The following ZNF544 variants were observed in gnomAD, a reference collection of about 807,000 sequenced individuals.
ZNF544 encodes zinc finger protein 544.
A neutral mutation model predicts 13.5 loss-of-function variants in ZNF544; 10 were observed. That is an observed-to-expected ratio of 0.74 (90% CI 0.46 to 1.25). The LOEUF (loss-of-function observed/expected upper bound fraction) is 1.25. Ranked by LOEUF, ZNF544 falls within the 50% of genes most tolerant of loss-of-function variation. ZNF544 has a pLI of 0.00. For synonymous variants in ZNF544, 323 were observed against 300.5 expected, an observed-to-expected ratio of 1.07 and a Z score of -0.77; for missense variants, 896 against 845.6, an observed-to-expected ratio of 1.06 and a Z score of -0.74.
At chr19:58,268,519 G>T (rs1002251818), downstream of ZNF544, among the ~76,000 whole-genome samples, 3 of 152,066 alleles carry the variant, frequency 2.0e-5, no homozygotes, top group African/African-American at 7.2e-5. Flanking sequence ...CTGCAGAAAG[G>T]GTGCTCATCA....
chr19:58,269,845 T>G (rs541178608), intron 5 of ZNF544, among the ~76,000 whole-genome samples: 1 of 151,858 alleles, frequency 6.6e-6, no homozygotes, highest in East Asian at 2.0e-4. Context: ...CACTTGAACC[T>G]GGGAGGCAGA....
intron 3 of ZNF544, among the ~76,000 whole-genome samples, chr19:58,234,612 C>T (rs1288391373): frequency 6.6e-6 from 1 of 152,204 alleles, no homozygotes; most frequent in Non-Finnish European, 1.5e-5. Context: ...GCCTGTGTAC[C>T]TGCGTGCAGC....
chr19:58,251,008 G>A (rs936027747), intron 6 of ZNF544, among the ~76,000 whole-genome samples: 8 of 152,158 alleles, frequency 5.3e-5, no homozygotes, highest in African/African-American at 1.9e-4. Flanking sequence ...GCGTGGTCCT[G>A]TATACACAGG....
chr19:58,232,483 T>TG (rs1192378919), intron 3 of ZNF544, among the ~76,000 whole-genome samples: 1 of 151,112 alleles, frequency 6.6e-6, no homozygotes. Flanking sequence ...TCTCAGTAGC[T>TG]GGGACTACAA....
chr19:58,230,532 C>T (rs952176401), intron 3 of ZNF544, 70 bp downstream of exon 3: 1 of 152,348 alleles, frequency 6.6e-6, no homozygotes, highest in Non-Finnish European at 1.5e-5. Flanking sequence ...TGGATGCCTC[C>T]AGACAAGGAA....
At chr19:58,276,049 C>T (rs2051198011) in intron 5 of ZNF544, among the ~76,000 whole-genome samples, 1 of 152,100 alleles carries the variant, frequency 6.6e-6, no homozygotes, top group African/African-American at 2.4e-5. Context: ...TGGTGGCTCT[C>T]ACCTGTGCTC....
chr19:58,236,554 T>G (rs2042431947), intron 3 of ZNF544, among the ~76,000 whole-genome samples: 1 of 151,286 alleles, frequency 6.6e-6, no homozygotes, highest in Non-Finnish European at 1.5e-5. Context: ...AAAGCCATCA[T>G]TTTGAGATAT....
intron 3 of ZNF544, among the ~76,000 whole-genome samples, chr19:58,232,266 G>A (rs947521040): frequency 6.6e-6 from 1 of 150,968 alleles, no homozygotes; most frequent in African/African-American, 2.4e-5. Context: ...ATCCATCAGT[G>A]AAAACAAATA....
chr19:58,243,059 C>T (rs1369832988), intron 3 of ZNF544, among the ~76,000 whole-genome samples: 3 of 152,076 alleles, frequency 2.0e-5, no homozygotes, highest in Non-Finnish European at 2.9e-5. Context: ...AACTCTTGGA[C>T]TCAAGCAGTC....
At chr19:58,246,953 G>A in intron 6 of ZNF544, 159 bp downstream of exon 6, 3 of 591,946 alleles carry the variant, frequency 5.1e-6, no homozygotes, top group Non-Finnish European at 5.9e-6. Context: ...TCACCAATTC[G>A]AAGTATGCAG....
At chr19:58,276,458 AATTTT>A (rs2051228039) in intron 6 of ZNF544, 1 of 1,191,030 alleles carries the variant, frequency 8.4e-7, no homozygotes, top group African/African-American at 1.6e-5. Flanking sequence ...CAAAAGTCAG[AATTTT>A]ATTTTTATTT....
rs187594067 is a variant in ZNF544 at position 58,256,475 on chromosome 19, A to G, written c.245-4376A>G. On this transcript the variant is annotated intron_variant, in intron 6 of 6. Transcript: ENST00000687789. The stretch of plus-strand genomic sequence containing the variant: ...GGAAGGGGAGAGGGACTCAAATGCA[A>G]TAAGTCTACAGAAGTAAAAACATGC... Among the ~76,000 whole-genome samples, 633 of 152,306 alleles carry G rather than the reference A, an allele frequency of 4.2e-3. 1 individual carries two copies. The highest frequency in any genetic ancestry group is 5.7e-3 in the Non-Finnish European group (391 of 68,018).
chr19:58,239,758 G>A (rs758598832), intron 3 of ZNF544, among the ~76,000 whole-genome samples: 2 of 152,114 alleles, frequency 1.3e-5, no homozygotes, highest in African/African-American at 4.8e-5. Context: ...AATTAGCCAG[G>A]TGTGGTGGCT....
At chr19:58,245,373 C>T (rs2044924127) in intron 4 of ZNF544, among the ~76,000 whole-genome samples, 1 of 151,458 alleles carries the variant, frequency 6.6e-6, no homozygotes, top group South Asian at 2.1e-4. Flanking sequence ...GCGATCTCAG[C>T]TCACTGCAAC....
At chr19:58,270,561 A>G (rs2050511719) in intron 5 of ZNF544, among the ~76,000 whole-genome samples, 1 of 152,094 alleles carries the variant, frequency 6.6e-6, no homozygotes, top group Non-Finnish European at 1.5e-5. Flanking sequence ...TGGCATCCCA[A>G]AGTGCTGGGA....
Position 58,276,879 on chromosome 19 carries a change from G to A in ZNF544, c.352-304G>A, listed in dbSNP as rs56091708. On this transcript the variant is annotated intron_variant, in intron 6 of 6. Transcript: ENST00000595981. The stretch of plus-strand genomic sequence containing the variant: ...TGCAAAACGGAATGAGAGCTCCCAC[G>A]GGGCAAATGGTAGAATAGTGGTTTT... 9.7e-3 allele frequency among the ~76,000 whole-genome samples: 1,476 copies of A among 152,342 alleles called. 27 individuals carry two copies. The highest frequency in any genetic ancestry group is 0.032 in the African/African-American group (1,329 of 41,570).
Position 58,255,583 on chromosome 19 carries a change from A to G in ZNF544, c.245-5268A>G, listed in dbSNP as rs1245007697. Among the ~76,000 whole-genome samples, 3 of 151,944 alleles carry G rather than the reference A, an allele frequency of 2.0e-5. No homozygotes were observed. In the South Asian group the frequency reaches 6.2e-4, roughly 32 times the overall value. ...GTGAAGTCTGAGATGTAGAATGTCT[A>G]CTGAAGCTTGTGGATCCCAAAGGTC... On this transcript the variant is annotated intron_variant, in intron 6 of 6. Transcript: ENST00000687789.
At chr19:58,231,128 GA>G (rs1325308011) in intron 3 of ZNF544, among the ~76,000 whole-genome samples, 3 of 151,854 alleles carry the variant, frequency 2.0e-5, no homozygotes, top group Admixed American at 6.6e-5. Flanking sequence ...AGATTGCACA[GA>G]ACAAACAGAT....
intron 6 of ZNF544, among the ~76,000 whole-genome samples, chr19:58,247,850 C>T (rs542587297): frequency 7.9e-5 from 12 of 152,200 alleles, no homozygotes; most frequent in African/African-American, 2.9e-4. Context: ...CATGCAGTGT[C>T]TCCTGCTGTT....
Sources: gnomAD v4.1 joint callset for allele counts (sites outside exome capture counted in the v4.1 genomes callset) on GRCh38, gnomAD v4.1.1 for gene constraint, MANE v1.5 for transcripts, NCBI Gene and HGNC (gene_info 2026-07-23, HGNC 2026-07-21) for gene names.